Variants in SDK1 observed in about 807,000 individuals in gnomAD.
The protein encoded by SDK1 is protein sidekick-1.
A neutral mutation model predicts 245.5 loss-of-function variants in SDK1; 157 were observed. The observed-to-expected ratio is 0.64, with a 90% confidence interval of 0.56 to 0.73. The LOEUF (loss-of-function observed/expected upper bound fraction) is 0.73, where lower values mean the gene tolerates loss of function less well. SDK1 is among the 30% of genes least tolerant of loss of function. SDK1 has a pLI of 0.00. For synonymous variants in SDK1, 1,647 were observed against 1,278.5 expected (o/e 1.29, Z -6.15); for missense variants, 3,583 against 3,002.3 (o/e 1.19, Z -4.52).
At chr7:3,843,986 TATTA>T (rs1285674915) in intron 5 of SDK1, among the ~76,000 whole-genome samples, 1 of 152,216 alleles carries the variant, frequency 6.6e-6, no homozygotes, top group African/African-American at 2.4e-5. Flanking sequence ...TTTATTTATT[TATTA>T]GACAGAGTCT....
intron 1 of SDK1, among the ~76,000 whole-genome samples, chr7:3,421,328 G>T (rs890846263): frequency 6.6e-6 from 1 of 151,832 alleles, no homozygotes; most frequent in Admixed American, 6.6e-5. Context: ...TGCCCTCCTC[G>T]GCCTCCCAAA....
At chr7:3,613,587 C>A (rs993805747) in intron 1 of SDK1, among the ~76,000 whole-genome samples, 3 of 152,048 alleles carry the variant, frequency 2.0e-5, no homozygotes, top group Admixed American at 6.6e-5. Context: ...TGTGGTGATT[C>A]CTCAAAGACC....
At chr7:4,134,196 G>T (rs544512781) in intron 28 of SDK1, among the ~76,000 whole-genome samples, 3 of 152,306 alleles carry the variant, frequency 2.0e-5, no homozygotes, top group African/African-American at 7.2e-5. Context: ...TTTTCGCTTT[G>T]CCTCTTTCTT....
chr7:3,421,919 C>G (rs939720451), intron 1 of SDK1, among the ~76,000 whole-genome samples: 5 of 152,118 alleles, frequency 3.3e-5, no homozygotes, highest in Non-Finnish European at 5.9e-5. Flanking sequence ...TCTGTAATCC[C>G]AGCACTTCTG....
At chr7:3,521,405 C>T (rs1028971634) in intron 1 of SDK1, among the ~76,000 whole-genome samples, 1 of 146,728 alleles carries the variant, frequency 6.8e-6, no homozygotes, top group African/African-American at 2.5e-5. Flanking sequence ...GCCACTCTGC[C>T]TACCACAGTG....
At chr7:3,585,194 G>A (rs1206183119) in intron 1 of SDK1, among the ~76,000 whole-genome samples, 1 of 152,194 alleles carries the variant, frequency 6.6e-6, no homozygotes, top group Non-Finnish European at 1.5e-5. Flanking sequence ...CTCTGACTGA[G>A]TGCTAGAGAC....
intron 5 of SDK1, among the ~76,000 whole-genome samples, chr7:3,897,084 A>G (rs747220543): frequency 9.2e-5 from 14 of 152,140 alleles, no homozygotes; most frequent in Non-Finnish European, 1.0e-4. Flanking sequence ...TGAAAGCAGC[A>G]AGAGGGAAAT....
At chr7:3,767,558 G>A (rs778218525) in intron 4 of SDK1, among the ~76,000 whole-genome samples, 23 of 152,084 alleles carry the variant, frequency 1.5e-4, no homozygotes, top group Non-Finnish European at 2.6e-4. Context: ...TCTATGCCAG[G>A]CACTGATCTG....
intron 14 of SDK1, among the ~76,000 whole-genome samples, chr7:3,988,056 G>A (rs890143007): frequency 1.3e-5 from 2 of 150,936 alleles, no homozygotes; most frequent in African/African-American, 2.4e-5. Context: ...ATGGGGCCCA[G>A]CAACTTGACA....
chr7:3,506,615 A>G (rs535025489), intron 1 of SDK1, among the ~76,000 whole-genome samples: 1 of 152,088 alleles, frequency 6.6e-6, no homozygotes, highest in East Asian at 1.9e-4. Context: ...TTCCCTTTTT[A>G]CTGAGAGTGT....
chr7:3,403,847 A>AT (rs1778966266), intron 1 of SDK1, among the ~76,000 whole-genome samples: 1 of 99,924 alleles, frequency 1.0e-5, no homozygotes, highest in Non-Finnish European at 1.9e-5. Flanking sequence ...ATATATATAT[A>AT]TATATATATA....
At chr7:4,232,698 AG>A (rs1785874030) in intron 40 of SDK1, among the ~76,000 whole-genome samples, 1 of 151,944 alleles carries the variant, frequency 6.6e-6, no homozygotes, top group Non-Finnish European at 1.5e-5. Context: ...TCTGGGCTCA[AG>A]CAGTCCTGTA....
chr7:4,193,214 ATATATT>A (rs1209590745), intron 35 of SDK1, among the ~76,000 whole-genome samples: 1 of 135,196 alleles, frequency 7.4e-6, no homozygotes, highest in Non-Finnish European at 1.5e-5. Context: ...ATATTAATAT[ATATATT>A]GTATATTAAT....
intron 1 of SDK1, among the ~76,000 whole-genome samples, chr7:3,392,335 G>GA (rs1170428416): frequency 6.6e-6 from 1 of 151,970 alleles, no homozygotes; most frequent in Non-Finnish European, 1.5e-5. Flanking sequence ...CGTTTTTATT[G>GA]AAACTCAAAT....
In SDK1 at chr7:3,441,276, A is replaced by G. The variant is rs543231463; in HGVS notation, c.298+139392A>G. Among the ~76,000 whole-genome samples, 103 of 152,244 alleles carry G rather than the reference A, an allele frequency of 6.8e-4. 2 individuals carry two copies. Among genetic ancestry groups the G allele is most frequent in the East Asian group, 4.2e-3 (22 of 5,178 alleles). On this transcript the variant is annotated intron_variant, in intron 1 of 44. Coordinates refer to ENST00000404826, the MANE Select transcript of SDK1 (RefSeq NM_152744.4). The stretch of plus-strand genomic sequence containing the variant: ...ATGAATAGGAAAAAACAGTATATAT[A>G]GGGTTCAGTACTATCTGGTTTCAGG...
At chr7:3,483,673 C>G (rs545856665) in intron 1 of SDK1, among the ~76,000 whole-genome samples, 55 of 152,158 alleles carry the variant, frequency 3.6e-4, no homozygotes, top group African/African-American at 1.3e-3. Flanking sequence ...AATATTTTCT[C>G]TAAATTTTTG....
At chr7:3,697,211 G>A (rs1395399096) in intron 4 of SDK1, among the ~76,000 whole-genome samples, 1 of 152,172 alleles carries the variant, frequency 6.6e-6, no homozygotes, top group Non-Finnish European at 1.5e-5. Flanking sequence ...TAATGATTCT[G>A]TGTAGGGCTG....
At chr7:3,673,783 G>C (rs1783798386) in intron 4 of SDK1, among the ~76,000 whole-genome samples, 1 of 152,158 alleles carries the variant, frequency 6.6e-6, no homozygotes, top group South Asian at 2.1e-4. Flanking sequence ...GCAAAAGTTT[G>C]CATTCCAAGG....
Position 3,328,832 on chromosome 7 carries a change from GTTGT to G in SDK1, c.298+26952_298+26955del, listed in dbSNP as rs1208106710. Among the ~76,000 whole-genome samples the G allele has an allele frequency of 9.2e-5, 14 of 152,148 alleles. No individual in the cohort carries two copies. The East Asian group carries it at 2.7e-3, about 29-fold the overall frequency. ...GTTAGTTCAGGTCATGGGCTGTTAG[GTTGT>G]TTGGTTGTCTTTTTTGTTTGTTTTA... On this transcript the variant is annotated intron_variant, in intron 1 of 44. Transcript: ENST00000404826.
Sources: gnomAD v4.1 joint callset for allele counts (sites outside exome capture counted in the v4.1 genomes callset) on GRCh38, gnomAD v4.1.1 for gene constraint, MANE v1.5 for transcripts, NCBI Gene and HGNC (gene_info 2026-07-23, HGNC 2026-07-21) for gene names.